CELSR1: variants seen among roughly 807,000 people sequenced by gnomAD.
CELSR1 encodes cadherin EGF LAG seven-pass G-type receptor 1.
A neutral mutation model predicts 249.1 loss-of-function variants in CELSR1; 110 were observed. That is an observed-to-expected ratio of 0.44 (90% CI 0.38 to 0.52). The LOEUF is 0.52. Ranked by LOEUF, CELSR1 falls within the 20% of genes least tolerant of loss-of-function variation. The probability of loss-of-function intolerance (pLI) is 0.00; values close to 1 mark genes in which losing one functional copy is unlikely to be tolerated. For missense variants in CELSR1, 4,109 were observed against 4,296.4 expected, an observed-to-expected ratio of 0.96 and a Z score of 1.22; for synonymous variants, 2,113 against 1,900.0, an observed-to-expected ratio of 1.11 and a Z score of -2.92.
Position 46,433,199 on chromosome 22 carries a change from TA to T in CELSR1, c.4611+193del, listed in dbSNP as rs1349050689. 6.6e-6 allele frequency among the ~76,000 whole-genome samples: 1 copy of T among 151,170 alleles called. No homozygotes were observed. The highest frequency in any genetic ancestry group is 1.5e-5 in the Non-Finnish European group (1 of 67,848). On this transcript the variant is annotated intron_variant, in intron 5 of 34. Transcript: ENST00000674500. This position sits in a 1 kb window ranked among gnomAD's most constrained non-coding sequence, Gnocchi z 5.7. ...CCGCCACCACGCCCGGCTAATTTTT[TA>T]ATTTTTGTATTTTTGGTAGAGACAG...
intron 19 of CELSR1, 135 bp from the exon 20 acceptor site, chr22:46,384,821 G>A (rs985731693): frequency 2.5e-5 from 24 of 959,180 alleles, no homozygotes; most frequent in Middle Eastern, 3.4e-4. Flanking sequence ...GTGGAGTCTC[G>A]CAGTGTCTCC....
At chr22:46,532,282 A>C (rs955148995) in intron 1 of CELSR1, among the ~76,000 whole-genome samples, 1 of 152,260 alleles carries the variant, frequency 6.6e-6, no homozygotes, top group African/African-American at 2.4e-5. Context: ...CTTCCTAAGA[A>C]TATCCATAAC....
In CELSR1 at chr22:46,400,053, G is replaced by C. The variant is rs116003369; in HGVS notation, c.5227-151C>G. On this transcript the variant is annotated intron_variant, in intron 9 of 34. Coordinates refer to ENST00000674500, the MANE Select transcript of CELSR1 (RefSeq NM_001378328.1). ...CTTAAAAATTAGGCAAAGTTGGCCA[G>C]GTGCGGTGGCTCAGGCCTGTAATCT... is the stretch of plus-strand genomic sequence containing the variant. 5,508 of 778,894 alleles carry C rather than the reference G, an allele frequency of 7.1e-3. 213 individuals carry two copies. In the African/African-American group the frequency reaches 0.085, roughly 12 times the overall value. The allele number at this position is 778,894 out of a possible 1,614,324, so 48.2% of individuals were successfully genotyped here.
intron 2 of CELSR1, among the ~76,000 whole-genome samples, chr22:46,459,041 T>TACCC (rs1569178864): frequency 6.7e-6 from 1 of 150,230 alleles, no homozygotes; most frequent in East Asian, 1.9e-4. Context: ...TACAGGCGTG[T>TACCC]GCCACCACAC....
intron 24 of CELSR1, among the ~76,000 whole-genome samples, chr22:46,373,461 G>GCAGCTT (rs2078879384): frequency 7.5e-6 from 1 of 133,436 alleles, no homozygotes; most frequent in Non-Finnish European, 1.6e-5. Flanking sequence ...GGTTGGGGGG[G>GCAGCTT]CAGCTTCACA....
chr22:46,509,100 C>T (rs1490451647), intron 1 of CELSR1, among the ~76,000 whole-genome samples: 1 of 152,212 alleles, frequency 6.6e-6, no homozygotes, highest in Non-Finnish European at 1.5e-5. Context: ...ATCTGGCACC[C>T]CTCCAGTGCC....
chr22:46,485,097 C>T (rs1255469978), intron 1 of CELSR1, among the ~76,000 whole-genome samples: 1 of 152,084 alleles, frequency 6.6e-6, no homozygotes, highest in African/African-American at 2.4e-5. Context: ...CAGGCCTCCC[C>T]GTGAAAACAC....
intron 14 of CELSR1, among the ~76,000 whole-genome samples, chr22:46,392,708 C>T (rs2079106536): frequency 6.6e-6 from 1 of 152,094 alleles, no homozygotes; most frequent in South Asian, 2.1e-4. Context: ...AGGCAAGCAT[C>T]AGCACGCTCA....
At chr22:46,373,086 G>A in intron 24 of CELSR1, 29 bp from the exon 25 acceptor site, 3 of 1,552,654 alleles carry the variant, frequency 1.9e-6, no homozygotes, top group Non-Finnish European at 2.6e-6. Flanking sequence ...CTCAGCAAGG[G>A]CCCCTGCATC....
rs1250408357 is a variant in CELSR1, at chr22:46,537,453, CGGCGGCGGCTCCA to C, written c.-296_-284del. On this transcript the variant is annotated 5_prime_UTR_variant, in exon 1 of 35. Transcript: ENST00000674500. This position sits in a 1 kb window ranked among gnomAD's most constrained non-coding sequence, Gnocchi z 5.8. ...GGCGCCGCGCATCAACCTGCGGCGG[CGGCGGCGGCTCCA>C]GGCGGCTCCAGGTGGCTCCGGCGCG... 2.0e-4 allele frequency among the ~76,000 whole-genome samples: 30 copies of C among 149,360 alleles called. No individual in the cohort carries two copies. The highest frequency in any genetic ancestry group is 5.8e-4 in the African/African-American group (24 of 41,096).
At chr22:46,455,002 T>TA (rs984869192) in intron 2 of CELSR1, among the ~76,000 whole-genome samples, 57 of 152,164 alleles carry the variant, frequency 3.7e-4, no homozygotes, top group African/African-American at 1.3e-3. Flanking sequence ...CCGGTGTCCT[T>TA]ACAATGAGAT....
intron 5 of CELSR1, among the ~76,000 whole-genome samples, chr22:46,418,752 T>G (rs1195082177): frequency 2.0e-5 from 3 of 152,172 alleles, no homozygotes; most frequent in Non-Finnish European, 4.4e-5. Context: ...TAGAAAAGTT[T>G]TCAACAAAGG....
chr22:46,452,482 C>G (rs999328705), intron 2 of CELSR1, among the ~76,000 whole-genome samples: 1 of 152,218 alleles, frequency 6.6e-6, no homozygotes, highest in Admixed American at 6.5e-5. Context: ...GTCCCTGGCA[C>G]TGGGGGTACA....
intron 2 of CELSR1, among the ~76,000 whole-genome samples, chr22:46,442,813 C>G (rs116204350): frequency 0.018 from 2,787 of 152,210 alleles, 86 homozygotes; most frequent in African/African-American, 0.065. Context: ...GTAACTGGGC[C>G]TGGCGCGGTG....
intron 1 of CELSR1, among the ~76,000 whole-genome samples, chr22:46,507,864 T>G (rs1208284245): frequency 6.6e-6 from 1 of 152,004 alleles, no homozygotes; most frequent in Non-Finnish European, 1.5e-5. Flanking sequence ...GAGGAGGCAC[T>G]GGGGGGCTGC....
intron 27 of CELSR1, among the ~76,000 whole-genome samples, 186 bp from the exon 28 acceptor site, chr22:46,368,041 G>A (rs983038934): frequency 2.6e-5 from 4 of 152,172 alleles, no homozygotes; most frequent in Non-Finnish European, 5.9e-5. Context: ...GGACTCATCC[G>A]GGAACCAGAC....
intron 23 of CELSR1, 141 bp downstream of exon 23, chr22:46,378,450 A>T: frequency 1.2e-6 from 1 of 834,274 alleles, no homozygotes; most frequent in Non-Finnish European, 1.9e-6. Context: ...TGGAAGATTT[A>T]GTTTGAGGAG....
At chr22:46,371,975 T>G (rs2078857217) in intron 25 of CELSR1, among the ~76,000 whole-genome samples, 1 of 117,788 alleles carries the variant, frequency 8.5e-6, no homozygotes, top group African/African-American at 3.3e-5. Context: ...TCCACTCAAC[T>G]CACTCCTCCA....
In CELSR1 at chr22:46,390,081, C is replaced by A. The variant is rs913456683; in HGVS notation, c.6345+311G>T. On this transcript the variant is annotated intron_variant, in intron 17 of 34. Coordinates refer to ENST00000674500, the MANE Select transcript of CELSR1 (RefSeq NM_001378328.1). This position sits in a 1 kb window ranked among gnomAD's most constrained non-coding sequence, Gnocchi z 6.3. ...CGAGTGGGAGACGTGGGAACAAAAG[C>A]CATGAAATAGGGCAGGATCAGAGGG... Among the ~76,000 whole-genome samples the A allele has an allele frequency of 3.3e-5, 5 of 152,204 alleles. No individual in the cohort carries two copies. The highest frequency in any genetic ancestry group is 4.8e-5 in the African/African-American group (2 of 41,444).
Sources: gnomAD v4.1 joint callset for allele counts (sites outside exome capture counted in the v4.1 genomes callset) on GRCh38, gnomAD v4.1.1 for gene constraint, Gnocchi (gnomAD v3.1) non-coding constraint, MANE v1.5 for transcripts, NCBI Gene and HGNC (gene_info 2026-07-23, HGNC 2026-07-21) for gene names.